Variants in SYT1 observed in about 807,000 individuals in gnomAD.
SYT1 encodes synaptotagmin-1.
SYT1 carries 8 observed loss-of-function variants against 44.8 expected under a neutral mutation model. The ratio of observed to expected loss-of-function variants is 0.18; its 90% CI spans 0.10 to 0.32. The LOEUF (loss-of-function observed/expected upper bound fraction) is 0.32, where lower values mean the gene tolerates loss of function less well. Among genes scored for constraint, SYT1 ranks in the 10% least tolerant of loss-of-function variants. SYT1 has a pLI of 1.00. For synonymous variants in SYT1, 154 were observed against 188.8 expected (o/e 0.82, Z 1.51); for missense variants, 286 against 509.3 (o/e 0.56, Z 4.22).
At chr12:79,061,997 T>C (rs1251341213) in intron 3 of SYT1, among the ~76,000 whole-genome samples, 2 of 152,154 alleles carry the variant, frequency 1.3e-5, no homozygotes, top group African/African-American at 4.8e-5. Flanking sequence ...AAAAGAATCC[T>C]TTTATGAGCT....
At chr12:79,171,631 A>G (rs57579109) in intron 3 of SYT1, among the ~76,000 whole-genome samples, 11,244 of 152,030 alleles carry the variant, frequency 0.074, 516 homozygotes, top group African/African-American at 0.12. Context: ...TATTCAGTAA[A>G]GGCTTAGTCT....
At chr12:79,291,865 A>G (rs1408960343) in intron 5 of SYT1, 143 bp from the exon 6 acceptor site, 1 of 1,033,280 alleles carries the variant, frequency 9.7e-7, no homozygotes, top group East Asian at 2.4e-5. Context: ...GTAAGCAGCA[A>G]ATGTGAATGT....
chr12:79,394,768 T>C (rs1884805210), intron 9 of SYT1, among the ~76,000 whole-genome samples: 1 of 152,220 alleles, frequency 6.6e-6, no homozygotes, highest in Admixed American at 6.5e-5. Flanking sequence ...CTAGATGATA[T>C]GTTTTACGCT....
In SYT1 at chr12:79,425,166, A is replaced by C. The variant is rs901253200; in HGVS notation, c.929-18907A>C. On this transcript the variant is annotated intron_variant, in intron 9 of 10. Transcript: ENST00000261205. ...ATTTGTTCTTATTGTATTTTCAGGCACACTCCTTTTTCTACTCTCATCCTT... is the reference window on the plus strand; with the variant it reads ...ATTTGTTCTTATTGTATTTTCAGGCCCACTCCTTTTTCTACTCTCATCCTT... 3.3e-5 allele frequency among the ~76,000 whole-genome samples: 5 copies of C among 151,738 alleles called. No homozygotes were observed. In the East Asian group the frequency reaches 9.6e-4, roughly 29 times the overall value.
chr12:78,895,341 A>G (rs1875299791), intron 1 of SYT1, among the ~76,000 whole-genome samples: 1 of 151,722 alleles, frequency 6.6e-6, no homozygotes, highest in African/African-American at 2.4e-5. Flanking sequence ...TTCAACTATA[A>G]TGTTTATTCT....
At chr12:79,185,945 C>T (rs1295687025) in intron 3 of SYT1, among the ~76,000 whole-genome samples, 1 of 151,948 alleles carries the variant, frequency 6.6e-6, no homozygotes, top group Non-Finnish European at 1.5e-5. Flanking sequence ...AACTGTTTTA[C>T]TTTCTGACAT....
At chr12:79,220,004 G>C (rs150696965) in intron 4 of SYT1, among the ~76,000 whole-genome samples, 1 of 151,950 alleles carries the variant, frequency 6.6e-6, no homozygotes, top group African/African-American at 2.4e-5. Context: ...GAGAAGAAAC[G>C]GTATTAGTTC....
At position 79,423,206 on chromosome 12, in the gene SYT1, G is replaced by A. The variant is rs555152438; in HGVS notation, c.929-20867G>A. On this transcript the variant is annotated intron_variant, in intron 9 of 10. Coordinates refer to ENST00000261205, the MANE Select transcript of SYT1 (RefSeq NM_005639.3). Reference sequence around the variant, plus strand: ...TGTGCGCCCACACATGTGTGCACACGTGCATGCATGCTTTGTTTTGTTTTA... The same window carrying A: ...TGTGCGCCCACACATGTGTGCACACATGCATGCATGCTTTGTTTTGTTTTA... Among the ~76,000 whole-genome samples the A allele has an allele frequency of 2.0e-5, 3 of 152,222 alleles. No homozygotes were observed. The South Asian group carries it at 6.2e-4, about 32-fold the overall frequency.
intron 3 of SYT1, among the ~76,000 whole-genome samples, chr12:79,104,285 G>T (rs565718463): frequency 6.6e-6 from 1 of 151,744 alleles, no homozygotes; most frequent in African/African-American, 2.4e-5. Context: ...TATAAATAAG[G>T]ATTTCTGTTG....
chr12:78,903,392 C>A (rs1875774584), intron 1 of SYT1, among the ~76,000 whole-genome samples: 1 of 151,822 alleles, frequency 6.6e-6, no homozygotes, highest in Non-Finnish European at 1.5e-5. Context: ...TTCAAGCTAT[C>A]GTCCTGCCTC....
chr12:78,979,363 G>C lies in SYT1; in HGVS notation c.-84+1432G>C, dbSNP rs568766739. Among the ~76,000 whole-genome samples the C allele has an allele frequency of 2.2e-4, 33 of 152,122 alleles. 1 individual carries two copies. The East Asian group carries it at 6.4e-3, about 29-fold the overall frequency. ...ACTATTTTGAGAAACATCTCAAAAT[G>C]TGGTCTAAAGCCAACCTACAAAAAT... On this transcript the variant is annotated intron_variant, in intron 2 of 10. Transcript: ENST00000261205.
chr12:79,056,302 T>G (rs981780739), intron 3 of SYT1, among the ~76,000 whole-genome samples: 1 of 151,996 alleles, frequency 6.6e-6, no homozygotes, highest in African/African-American at 2.4e-5. Context: ...CAAGATGAAA[T>G]TTCGATTTGA....
chr12:79,185,330 CA>C (rs1872743000), intron 3 of SYT1, among the ~76,000 whole-genome samples: 1 of 151,812 alleles, frequency 6.6e-6, no homozygotes, highest in African/African-American at 2.4e-5. Context: ...GTTTTTCTAG[CA>C]GTTCTATTGA....
At chr12:79,280,799 G>A (rs1349043203) in intron 4 of SYT1, among the ~76,000 whole-genome samples, 1 of 151,206 alleles carries the variant, frequency 6.6e-6, no homozygotes, top group Admixed American at 6.6e-5. Flanking sequence ...CCTCAAATCA[G>A]CAAGAAAAAA....
intron 9 of SYT1, among the ~76,000 whole-genome samples, chr12:79,364,720 T>C (rs1883468976): frequency 6.6e-6 from 1 of 152,218 alleles, no homozygotes; most frequent in Non-Finnish European, 1.5e-5. Context: ...GATTTCAAAC[T>C]ACTGATTTCA....
intron 3 of SYT1, among the ~76,000 whole-genome samples, chr12:79,093,070 C>T (rs1565803050): frequency 1.3e-5 from 2 of 151,472 alleles, no homozygotes; most frequent in East Asian, 3.9e-4. Context: ...GTGAATAACA[C>T]ATGTATAAAA....
At chr12:79,257,957 C>T (rs999127925) in intron 4 of SYT1, among the ~76,000 whole-genome samples, 25 of 151,994 alleles carry the variant, frequency 1.6e-4, no homozygotes, top group Admixed American at 1.6e-3. Flanking sequence ...TAGGATGTAT[C>T]ACAACATCTG....
At chr12:78,866,743 T>C (rs1418574185) in intron 1 of SYT1, among the ~76,000 whole-genome samples, 1 of 152,210 alleles carries the variant, frequency 6.6e-6, no homozygotes, top group African/African-American at 2.4e-5. Flanking sequence ...AAACACTTCT[T>C]TTTATTTATC....
rs11113800 is a variant in SYT1 at position 79,340,101 on chromosome 12, G to A, written c.811-13401G>A. ...TTGTAGTATAGTTTGAAGTCAGGTAGTGTGATGCCTCCAGCTTTGTTCTTT... is the reference window on the plus strand; with the variant it reads ...TTGTAGTATAGTTTGAAGTCAGGTAATGTGATGCCTCCAGCTTTGTTCTTT... On this transcript the variant is annotated intron_variant, in intron 8 of 10. Coordinates refer to ENST00000261205, the MANE Select transcript of SYT1 (RefSeq NM_005639.3). Among the ~76,000 whole-genome samples, 1,257 of 152,282 alleles carry A rather than the reference G, an allele frequency of 8.3e-3. 21 individuals are homozygous for A. The highest frequency in any genetic ancestry group is 0.029 in the African/African-American group (1,207 of 41,560).
Sources: gnomAD v4.1 joint callset for allele counts (sites outside exome capture counted in the v4.1 genomes callset) on GRCh38, gnomAD v4.1.1 for gene constraint, MANE v1.5 for transcripts, NCBI Gene and HGNC (gene_info 2026-07-23, HGNC 2026-07-21) for gene names.